PHC2: variants seen among roughly 807,000 people sequenced by gnomAD.
PHC2 encodes polyhomeotic-like protein 2.
Under a neutral mutation model 87.4 loss-of-function variants are expected in PHC2, and 29 were observed. That is an observed-to-expected ratio of 0.33 (90% CI 0.25 to 0.45). PHC2 has a LOEUF of 0.45. PHC2 is among the 20% of genes least tolerant of loss of function. The probability of loss-of-function intolerance (pLI) is 1.00; values close to 1 mark genes in which losing one functional copy is unlikely to be tolerated. For missense variants in PHC2, 857 were observed against 1,136.7 expected (o/e 0.75, Z 3.54); for synonymous variants, 438 against 461.7 (o/e 0.95, Z 0.66).
intron 1 of PHC2, among the ~76,000 whole-genome samples, chr1:33,400,407 G>C (rs191000721): frequency 1.5e-4 from 23 of 152,312 alleles, no homozygotes; most frequent in Admixed American, 5.2e-4. Context: ...GCAGTACTAG[G>C]AGTAATAATA....
At chr1:33,387,504 C>A (rs1457941244) in intron 1 of PHC2, among the ~76,000 whole-genome samples, 2 of 152,170 alleles carry the variant, frequency 1.3e-5, no homozygotes, top group Non-Finnish European at 2.9e-5. Context: ...CATTAGGAGG[C>A]CAGTATTTTC....
intron 1 of PHC2, among the ~76,000 whole-genome samples, chr1:33,386,318 C>T (rs1192791841): frequency 6.6e-6 from 1 of 151,502 alleles, no homozygotes; most frequent in Non-Finnish European, 1.5e-5. Flanking sequence ...GAGTTCAAGA[C>T]CAGCCTGGCC....
At chr1:33,362,998 TG>T (rs1647238068) in intron 7 of PHC2, 1 of 152,250 alleles carries the variant, frequency 6.6e-6, no homozygotes, top group Admixed American at 6.5e-5. Context: ...AAGTGAGATA[TG>T]TAGGTAAAGC....
intron 9 of PHC2, among the ~76,000 whole-genome samples, chr1:33,340,133 T>G (rs1229324881): frequency 2.0e-5 from 3 of 152,212 alleles, no homozygotes; most frequent in Admixed American, 6.5e-5. Context: ...GAAGGGAGTA[T>G]GTATTTTAAC....
Position 33,408,158 on chromosome 1 carries a change from C to T in PHC2, c.-55+22818G>A, listed in dbSNP as rs552847018. On this transcript the variant is annotated intron_variant, in intron 1 of 14. Transcript: ENST00000683057. ...TCCTTGTCATCCTAATTATCTAGCTCGCCATTACTGGAAGTGAAAGTTTCT... is the reference window on the plus strand; with the variant it reads ...TCCTTGTCATCCTAATTATCTAGCTTGCCATTACTGGAAGTGAAAGTTTCT... Among the ~76,000 whole-genome samples the T allele has an allele frequency of 1.2e-4, 19 of 152,246 alleles. No individual in the cohort carries two copies. In the South Asian group the frequency reaches 4.0e-3, roughly 32 times the overall value.
chr1:33,348,714 A>G (rs998927864), intron 9 of PHC2, among the ~76,000 whole-genome samples: 2 of 152,226 alleles, frequency 1.3e-5, no homozygotes, highest in Non-Finnish European at 2.9e-5. Context: ...GAAGGCTGTC[A>G]TTGATTTGTA....
At chr1:33,347,311 G>A in intron 9 of PHC2, 1 of 985,412 alleles carries the variant, frequency 1.0e-6, no homozygotes, top group Non-Finnish European at 1.2e-6. Flanking sequence ...GGCAGAGAAT[G>A]CAGAAACAAT....
intron 1 of PHC2, among the ~76,000 whole-genome samples, chr1:33,395,609 A>G (rs574162772): frequency 1.3e-5 from 2 of 152,318 alleles, no homozygotes; most frequent in South Asian, 4.1e-4. Context: ...TTGGACAGAT[A>G]TGTGATAAGG....
intron 9 of PHC2, among the ~76,000 whole-genome samples, chr1:33,344,503 T>C (rs545423635): frequency 7.2e-5 from 11 of 152,358 alleles, no homozygotes; most frequent in East Asian, 3.9e-4. Flanking sequence ...CTTATAACCA[T>C]TGTCTAAGCT....
intron 9 of PHC2, among the ~76,000 whole-genome samples, chr1:33,348,663 G>A (rs887262859): frequency 6.6e-6 from 1 of 152,222 alleles, no homozygotes; most frequent in African/African-American, 2.4e-5. Context: ...ATATGCTAAT[G>A]GAGAGGGGAT....
intron 9 of PHC2, among the ~76,000 whole-genome samples, chr1:33,348,598 G>C (rs1208741026): frequency 6.6e-6 from 1 of 152,194 alleles, no homozygotes; most frequent in African/African-American, 2.4e-5. Flanking sequence ...AAAAATCAGG[G>C]ACATATGATG....
At chr1:33,424,128 CA>C (rs1168616576) in intron 1 of PHC2, among the ~76,000 whole-genome samples, 2 of 145,970 alleles carry the variant, frequency 1.4e-5, no homozygotes, top group African/African-American at 2.5e-5. Context: ...AAACAAAAAA[CA>C]AAAAAAAAGA....
intron 7 of PHC2, among the ~76,000 whole-genome samples, chr1:33,357,374 C>T (rs546663364): frequency 1.2e-4 from 18 of 152,250 alleles, no homozygotes; most frequent in Non-Finnish European, 2.1e-4. Flanking sequence ...ATGGTCTCAT[C>T]CCAGCCCAAC....
intron 1 of PHC2, among the ~76,000 whole-genome samples, chr1:33,404,893 T>A (rs12758973): frequency 0.17 from 26,170 of 152,144 alleles, 2,785 homozygotes; most frequent in South Asian, 0.27. Flanking sequence ...AGACAGTCAT[T>A]GCATTACTTT....
chr1:33,324,850 T>C lies in PHC2; in HGVS notation c.*15A>G. The C allele has an allele frequency of 6.2e-7, 1 of 1,601,320 alleles. No homozygotes were observed. The highest frequency in any genetic ancestry group is 8.5e-7 in the Non-Finnish European group (1 of 1,171,084). Reference sequence around the variant, plus strand: ...GAGGAGGCGCCCTGGGCCAGAATCCTGGCTGCCACCAGCCCTAGGAGTCCT... The same window carrying C: ...GAGGAGGCGCCCTGGGCCAGAATCCCGGCTGCCACCAGCCCTAGGAGTCCT... On this transcript the variant is annotated 3_prime_UTR_variant, in exon 15 of 15. Coordinates refer to ENST00000683057, the MANE Select transcript of PHC2 (RefSeq NM_001385109.1).
rs543405730 is a variant in PHC2 at position 33,382,985 on chromosome 1, C to T, written c.-54-7392G>A. The stretch of plus-strand genomic sequence containing the variant: ...GAGCTGGGCAGGAAATGAGAAGTCT[C>T]GTCAGCCCCATCGTGGCTGCTGGTA... On this transcript the variant is annotated intron_variant, in intron 1 of 14. Coordinates refer to ENST00000683057, the MANE Select transcript of PHC2 (RefSeq NM_001385109.1). The surrounding 1 kb of genome is among the most constrained non-coding windows in gnomAD (Gnocchi z 4.3). 2.2e-4 allele frequency among the ~76,000 whole-genome samples: 34 copies of T among 152,294 alleles called. No individual in the cohort carries two copies. The highest frequency in any genetic ancestry group is 4.7e-4 in the Non-Finnish European group (32 of 68,018).
At chr1:33,358,156 G>C (rs1647128259) in intron 7 of PHC2, among the ~76,000 whole-genome samples, 1 of 152,124 alleles carries the variant, frequency 6.6e-6, no homozygotes. Context: ...GGAGGAAAAA[G>C]GATTACAGAG....
At chr1:33,344,911 G>A (rs968313995) in intron 9 of PHC2, among the ~76,000 whole-genome samples, 1 of 151,698 alleles carries the variant, frequency 6.6e-6, no homozygotes, top group Non-Finnish European at 1.5e-5. Flanking sequence ...TTTTTTTAAA[G>A]TAGTTGCTTC....
intron 9 of PHC2, among the ~76,000 whole-genome samples, chr1:33,337,420 C>T (rs1190877178): frequency 6.6e-6 from 1 of 152,212 alleles, no homozygotes; most frequent in African/African-American, 2.4e-5. Flanking sequence ...CTTAAACTCA[C>T]AGAGAACAAG....
Sources: gnomAD v4.1 joint callset for allele counts (sites outside exome capture counted in the v4.1 genomes callset) on GRCh38, gnomAD v4.1.1 for gene constraint, Gnocchi (gnomAD v3.1) non-coding constraint, MANE v1.5 for transcripts, NCBI Gene and HGNC (gene_info 2026-07-23, HGNC 2026-07-21) for gene names.